The following LPCAT4 variants were observed in gnomAD, a reference collection of about 807,000 sequenced individuals.
The protein encoded by LPCAT4 is lysophosphatidylcholine acyltransferase 4, also known as lysophospholipid acyltransferase LPCAT4.
A neutral mutation model predicts 66.5 loss-of-function variants in LPCAT4; 30 were observed. The observed-to-expected ratio is 0.45, with a 90% CI of 0.34 to 0.61. The LOEUF is 0.61. Ranked by LOEUF, LPCAT4 falls within the 20% of genes least tolerant of loss-of-function variation. The probability of loss-of-function intolerance (pLI) is 0.01; values close to 1 mark genes in which losing one functional copy is unlikely to be tolerated. For synonymous variants in LPCAT4, 253 were observed against 262.1 expected (o/e 0.97, Z 0.34); for missense variants, 557 against 656.7 (o/e 0.85, Z 1.66).
In LPCAT4 at chr15:34,366,987, C is replaced by T. The variant is rs1310276696; in HGVS notation, c.114G>A (p.Lys38=). The T allele has an allele frequency of 6.4e-7, 1 of 1,556,288 alleles. No individual in the cohort carries two copies. The highest frequency in any genetic ancestry group is 2.4e-5 in the East Asian group (1 of 42,178). ...CCGACGCCCGCTCCCCACACATTACCTTAACCCTCTGGAGGCGAGAGAGAT... is the reference window on the plus strand; with the variant it reads ...CCGACGCCCGCTCCCCACACATTACTTTAACCCTCTGGAGGCGAGAGAGAT... ...ELHLSRLQRV[K]FCLLGALLAP... Residue 38 remains lysine, a splice_region_variant and synonymous_variant, in exon 1 of 14, where the codon AAG becomes AAA. Transcript: ENST00000314891.
At position 34,362,261 on chromosome 15, in the gene LPCAT4, C is replaced by T. The variant is rs1386444524; in HGVS notation, c.945G>A (p.Val315=). Residue 315 remains valine (V), a synonymous_variant, in exon 10 of 14, where the codon GTG becomes GTA. Coordinates refer to ENST00000314891, the MANE Select transcript of LPCAT4 (RefSeq NM_153613.3). ...GTTCCAACGCCACCTTCAGCCGGCC[C>T]ACCACAATCACAGGTAAGCTCCCTA... ...EFVGSLPVIV[V]GRLKVALEPQ... The T allele has an allele frequency of 6.2e-7, 1 of 1,614,096 alleles. No individual in the cohort carries two copies. Among genetic ancestry groups the T allele is most frequent in the East Asian group, 2.2e-5 (1 of 44,870 alleles).
intron 11 of LPCAT4, 122 bp downstream of exon 11, chr15:34,361,275 TAAC>T (rs1028683996): frequency 3.9e-5 from 59 of 1,509,510 alleles, no homozygotes; most frequent in Middle Eastern, 4.6e-4. Flanking sequence ...GATGGCCATC[TAAC>T]AACAGCTGTG....
At position 34,363,277 on chromosome 15, in the gene LPCAT4, G is replaced by T; in HGVS notation, c.746+145C>A. The T allele has an allele frequency of 1.2e-6, 1 of 842,290 alleles. No individual in the cohort carries two copies. Among genetic ancestry groups the T allele is most frequent in the Non-Finnish European group, 1.9e-6 (1 of 518,994 alleles). The allele number at this position is 842,290 out of a possible 1,614,324, so 52.2% of individuals were successfully genotyped here. A position where few individuals can be genotyped will look rare whatever the true frequency, so the allele number is the denominator to read the frequency against. On this transcript the variant is annotated intron_variant, in intron 7 of 13. Coordinates refer to ENST00000314891, the MANE Select transcript of LPCAT4 (RefSeq NM_153613.3). The surrounding 1 kb of genome is among the most constrained non-coding windows in gnomAD (Gnocchi z 4.3). ...ACAGCCAGATTATATGGGGACATCA[G>T]GGGGAAAGTGGTGTCTCCTCTAGAG...
At chr15:34,365,354 AG>A in intron 2 of LPCAT4, 126 bp from the exon 3 acceptor site, 1 of 1,201,340 alleles carries the variant, frequency 8.3e-7, no homozygotes, top group Non-Finnish European at 1.2e-6. Flanking sequence ...CAAGGGGCCA[AG>A]GTCTCTGGCC....
At position 34,359,080 on chromosome 15, in the gene LPCAT4, G is replaced by A. The variant is rs747823977; in HGVS notation, c.*47C>T. On this transcript the variant is annotated 3_prime_UTR_variant, in exon 14 of 14. Transcript: ENST00000314891. ...AGAGATGGGGCTGAGGCATAGGGGAGGCCCCTAGCGCTGCCCTGAGGAGGA... is the reference window on the plus strand; with the variant it reads ...AGAGATGGGGCTGAGGCATAGGGGAAGCCCCTAGCGCTGCCCTGAGGAGGA... 2.3e-5 allele frequency: 35 copies of A among 1,505,710 alleles called. No homozygotes were observed. In the Admixed American group the frequency reaches 2.8e-4, roughly 12 times the overall value. The allele number at this position is 1,505,710 out of a possible 1,614,324, so 93.3% of individuals were successfully genotyped here.
chr15:34,362,709 A>C (rs1343241926), intron 8 of LPCAT4, 54 bp from the exon 9 acceptor site: 22 of 1,610,278 alleles, frequency 1.4e-5, no homozygotes, highest in Non-Finnish European at 1.8e-5. Flanking sequence ...AGGTATGACC[A>C]CTCCCACCCT....
intron 12 of LPCAT4, 27 bp downstream of exon 12, chr15:34,360,083 AC>A (rs959029356): frequency 2.0e-5 from 20 of 978,636 alleles, no homozygotes; most frequent in Non-Finnish European, 2.9e-5. Flanking sequence ...GCCACTAAGC[AC>A]CCCCCACCAC....
rs371731209 is a variant in LPCAT4, at chr15:34,362,178, A to G, written c.1010+18T>C. On this transcript the variant is annotated intron_variant, in intron 10 of 13. Transcript: ENST00000314891. Reference sequence around the variant, plus strand: ...TCTCTGTGACACTGCTCATACCCTCATTTCCAAGACCACTTACCCAGCCTT... The same window carrying G: ...TCTCTGTGACACTGCTCATACCCTCGTTTCCAAGACCACTTACCCAGCCTT... 8.6e-5 allele frequency: 138 copies of G among 1,609,588 alleles called. No homozygotes were observed. In the African/African-American group the frequency reaches 1.8e-3, roughly 21 times the overall value.
intron 12 of LPCAT4, 26 bp downstream of exon 12, chr15:34,360,085 C>G: frequency 2.8e-6 from 4 of 1,439,838 alleles, no homozygotes; most frequent in Non-Finnish European, 3.9e-6. Context: ...CACTAAGCAC[C>G]CCCCACCACC....
chr15:34,364,426 CTGT>C lies in LPCAT4; in HGVS notation c.479-123_479-121del, dbSNP rs1312832808. ...TCTGTTATCTCTTTTTTTTTTTTTT[CTGT>C]TGTTGTTGTTTGAGACAGAGTTTCG... is the stretch of plus-strand genomic sequence containing the variant. On this transcript the variant is annotated intron_variant, in intron 3 of 13. Transcript: ENST00000314891. 1.9e-3 allele frequency: 1,132 copies of C among 580,544 alleles called. 2 individuals carry two copies. The highest frequency in any genetic ancestry group is 2.7e-3 in the Non-Finnish European group (924 of 344,104). The allele number at this position is 580,544 out of a possible 1,614,324, so 36.0% of individuals were successfully genotyped here. A position where few individuals can be genotyped will look rare whatever the true frequency, so the allele number is the denominator to read the frequency against.
chr15:34,360,157 A>G lies in LPCAT4; in HGVS notation c.1196T>C (p.Leu399Pro). ...CTCTTCCAGGCTCCTGCCCCCATCC[A>G]GAGCTGCTAGTGCAAGGGCCACATC... The part of the protein sequence containing the change: ...FRDVALALAA[L>P]DGGRSLEELT... The change falls in exon 12 of 14, where the codon CTG becomes CCG. Residue 399 changes from leucine (L) to proline (P), a missense_variant. This residue lies in a region of LPCAT4 where 392 missense variants were observed against 473.9 expected (regional missense o/e 0.83). Transcript: ENST00000314891. 1 of 1,610,018 alleles carries G rather than the reference A, an allele frequency of 6.2e-7. No homozygotes were observed. The highest frequency in any genetic ancestry group is 8.5e-7 in the Non-Finnish European group (1 of 1,178,602).
At chr15:34,364,408 T>A in intron 3 of LPCAT4, 102 bp from the exon 4 acceptor site, 3 of 615,556 alleles carry the variant, frequency 4.9e-6, no homozygotes, top group Non-Finnish European at 8.1e-6. Flanking sequence ...GTTTCTGTTA[T>A]CTCTTTTTTT....
intron 1 of LPCAT4, chr15:34,365,999 A>T: frequency 3.1e-6 from 1 of 324,710 alleles, no homozygotes. Context: ...ATTTAATAAG[A>T]ATGCATGCGA....
rs1335429737 is a variant in LPCAT4, at chr15:34,359,704, C to T, written c.1284G>A (p.Leu428=). Residue 428 remains leucine, a synonymous_variant, in exon 13 of 14, where the codon CTG becomes CTA. Transcript: ENST00000314891. ...EEQAEGPNRL[L]YKDGFSTILH... is the part of the protein sequence containing the mutation. ...GGATGGTGCTGAAGCCGTCTTTGTA[C>T]AGCAGGCGGTTGGGACCCTCTGCTT... 6.2e-7 allele frequency: 1 copy of T among 1,613,746 alleles called. No homozygotes were observed. Among genetic ancestry groups the T allele is most frequent in the Admixed American group, 1.7e-5 (1 of 60,002 alleles).
Position 34,367,143 on chromosome 15 carries a change from G to A in LPCAT4, c.-43C>T, listed in dbSNP as rs1251967856. On this transcript the variant is annotated 5_prime_UTR_variant, in exon 1 of 14. Coordinates refer to ENST00000314891, the MANE Select transcript of LPCAT4 (RefSeq NM_153613.3). Reference sequence around the variant, plus strand: ...GGGAGGGCACCCCGGCCCTGGCCCCGGCCACCACTCTGCAGAGCAGCTGCT... The same window carrying A: ...GGGAGGGCACCCCGGCCCTGGCCCCAGCCACCACTCTGCAGAGCAGCTGCT... 5 of 1,488,624 alleles carry A rather than the reference G, an allele frequency of 3.4e-6. No individual in the cohort carries two copies. The East Asian group carries it at 7.7e-5, about 23-fold the overall frequency. 92.2% of individuals were successfully genotyped at this position (1,488,624 alleles called of 1,614,324 possible).
At chr15:34,362,956 TA>T in intron 7 of LPCAT4, 120 bp from the exon 8 acceptor site, 1 of 942,436 alleles carries the variant, frequency 1.1e-6, no homozygotes, top group South Asian at 1.4e-5. Context: ...TGCCCATTGA[TA>T]ATAGGGACAG....
chr15:34,367,176 C>T lies in LPCAT4; in HGVS notation c.-76G>A. The T allele has an allele frequency of 1.6e-6, 2 of 1,273,182 alleles. No individual in the cohort carries two copies. Among genetic ancestry groups the T allele is most frequent in the Non-Finnish European group, 2.0e-6 (2 of 991,116 alleles). 78.9% of individuals were successfully genotyped at this position (1,273,182 alleles called of 1,614,324 possible). ...CTCTGCAGAGCAGCTGCTGCTGCAG[C>T]AGCGGCGGCGGCGGCGCTCTGGCCC... is the stretch of plus-strand genomic sequence containing the variant. On this transcript the variant is annotated 5_prime_UTR_variant, in exon 1 of 14. Transcript: ENST00000314891.
At chr15:34,366,720 A>G (rs544572414) in intron 1 of LPCAT4, among the ~76,000 whole-genome samples, 1 of 147,758 alleles carries the variant, frequency 6.8e-6, no homozygotes, top group African/African-American at 2.5e-5. Flanking sequence ...CATCTCTCCA[A>G]CCCCAGGGTC....
At chr15:34,359,345 C>A (rs371277135) in intron 13 of LPCAT4, 43 bp from the exon 14 acceptor site, 6 of 1,455,892 alleles carry the variant, frequency 4.1e-6, no homozygotes, top group Admixed American at 5.5e-5. Flanking sequence ...GATCTAAGAA[C>A]GAGAAGAGAA....
Sources: allele counts gnomAD v4.1 joint callset (sites outside exome capture counted in the v4.1 genomes callset), GRCh38; gene constraint gnomAD v4.1.1; regional missense constraint gnomAD v4.1.1; non-coding constraint Gnocchi (gnomAD v3.1); transcripts MANE v1.5; gene names NCBI Gene and HGNC (gene_info 2026-07-23, HGNC 2026-07-21).